The following YARS1 variants were observed in gnomAD, a reference collection of about 807,000 sequenced individuals.
The protein encoded by YARS1 is tyrosine--tRNA ligase, cytoplasmic.
A neutral mutation model predicts 62.2 loss-of-function variants in YARS1; 36 were observed. That is an observed-to-expected ratio of 0.58 (90% CI 0.44 to 0.76). The LOEUF (loss-of-function observed/expected upper bound fraction) is 0.76, where lower values mean the gene tolerates loss of function less well. Ranked by LOEUF, YARS1 falls within the 30% of genes least tolerant of loss-of-function variation. YARS1 has a pLI of 0.00. For synonymous variants in YARS1, 234 were observed against 244.9 expected (o/e 0.96, Z 0.42); for missense variants, 524 against 639.8 (o/e 0.82, Z 1.95).
chr1:32,782,140 A>G, intron 9 of YARS1: 1 of 526,986 alleles, frequency 1.9e-6, no homozygotes, highest in Middle Eastern at 5.4e-4. Flanking sequence ...CAGATTTAAC[A>G]AACAGACTAG....
chr1:32,788,868 T>G (rs1569727205), intron 6 of YARS1, among the ~76,000 whole-genome samples: 1 of 152,132 alleles, frequency 6.6e-6, no homozygotes, highest in Non-Finnish European at 1.5e-5. Context: ...TCTGTTGCCC[T>G]GGCTGGAGTG....
chr1:32,779,286 C>G (rs1225726947), intron 12 of YARS1, 96 bp downstream of exon 12: 13 of 1,603,246 alleles, frequency 8.1e-6, no homozygotes, highest in Non-Finnish European at 1.0e-5. Context: ...CAGGAAGTCC[C>G]AACAGAGAGG....
chr1:32,806,238 G>A (rs568550560), intron 4 of YARS1, among the ~76,000 whole-genome samples: 2 of 152,252 alleles, frequency 1.3e-5, no homozygotes, highest in African/African-American at 4.8e-5. Flanking sequence ...ATGCAGATAT[G>A]ATAATAATGA....
rs1488398104 is a variant in YARS1, at chr1:32,776,343, C to A, written c.1477-252G>T. On this transcript the variant is annotated intron_variant, in intron 12 of 12. Transcript: ENST00000373477. The surrounding 1 kb of genome is among the most constrained non-coding windows in gnomAD (Gnocchi z 4.0). ...TGTACTTTTAGTAGACACGGGGTTT[C>A]TCCATGTTGGTCAGGCTGGTCTTGA... 6.6e-6 allele frequency among the ~76,000 whole-genome samples: 1 copy of A among 152,074 alleles called. No homozygotes were observed. The highest frequency in any genetic ancestry group is 2.4e-5 in the African/African-American group (1 of 41,418).
intron 1 of YARS1, among the ~76,000 whole-genome samples, chr1:32,812,767 C>G (rs188991027): frequency 3.9e-5 from 6 of 152,098 alleles, no homozygotes; most frequent in African/African-American, 1.2e-4. Context: ...GATCAGGGGT[C>G]GAGACCAGCC....
At chr1:32,812,749 G>A (rs761596287) in intron 1 of YARS1, among the ~76,000 whole-genome samples, 2 of 152,124 alleles carry the variant, frequency 1.3e-5, no homozygotes, top group African/African-American at 2.4e-5. Context: ...AAGGCGGGCA[G>A]ATCATCAGAT....
chr1:32,794,453 G>A (rs561901260), intron 5 of YARS1, among the ~76,000 whole-genome samples: 70 of 152,228 alleles, frequency 4.6e-4, no homozygotes, highest in East Asian at 7.8e-4. Flanking sequence ...GCAATGGTGC[G>A]ATCTCAGTTT....
In YARS1 at chr1:32,788,941, C is replaced by T. The variant is rs1179525325; in HGVS notation, c.685-1866G>A. The stretch of plus-strand genomic sequence containing the variant: ...CCAGGCTCAAGTAGTCCTCCTACCT[C>T]AGCCTCCCATGTAGCTGGAACTATT... On this transcript the variant is annotated intron_variant, in intron 6 of 12. Coordinates refer to ENST00000373477, the MANE Select transcript of YARS1 (RefSeq NM_003680.4). Among the ~76,000 whole-genome samples, 3 of 152,228 alleles carry T rather than the reference C, an allele frequency of 2.0e-5. No individual in the cohort carries two copies. The East Asian group carries it at 5.8e-4, about 29-fold the overall frequency.
Position 32,776,151 on chromosome 1 carries a change from C to A in YARS1, c.1477-60G>T. On this transcript the variant is annotated intron_variant, in intron 12 of 12. Transcript: ENST00000373477. The surrounding 1 kb of genome is among the most constrained non-coding windows in gnomAD (Gnocchi z 4.0). ...GTGGTGGGACTGCAAGAAAACCCCC[C>A]CTTTTTTGGAGGGGGGGCAGAGTTT... 1 of 1,436,946 alleles carries A rather than the reference C, an allele frequency of 7.0e-7. No homozygotes were observed. The highest frequency in any genetic ancestry group is 1.2e-5 in the South Asian group (1 of 83,708). 89.0% of individuals were successfully genotyped at this position (1,436,946 alleles called of 1,614,324 possible). A position where few individuals can be genotyped will look rare whatever the true frequency, so the allele number is the denominator to read the frequency against.
At chr1:32,780,831 G>A (rs1003393398) in intron 10 of YARS1, 23 of 606,922 alleles carry the variant, frequency 3.8e-5, no homozygotes, top group Admixed American at 2.2e-4. Context: ...ACTAACATCC[G>A]TCCCCCATGC....
chr1:32,780,289 G>A lies in YARS1; in HGVS notation c.1141-11C>T. 1 of 1,613,898 alleles carries A rather than the reference G, an allele frequency of 6.2e-7. No individual in the cohort carries two copies. The highest frequency in any genetic ancestry group is 8.5e-7 in the Non-Finnish European group (1 of 1,180,018). On this transcript the variant is annotated splice_polypyrimidine_tract_variant and intron_variant, in intron 10 of 12. Coordinates refer to ENST00000373477, the MANE Select transcript of YARS1 (RefSeq NM_003680.4). The stretch of plus-strand genomic sequence containing the variant: ...GTCTGCATCTGGGTGCTGCCAGGGA[G>A]AGACGTCAGGAGGAAGAGGATCATC...
rs571319196 is a variant in YARS1 at position 32,796,225 on chromosome 1, AAC to A, written c.591+1536_591+1537del. Among the ~76,000 whole-genome samples, 724 of 151,790 alleles carry A rather than the reference AAC, an allele frequency of 4.8e-3. 2 individuals are homozygous for A. The highest frequency in any genetic ancestry group is 7.9e-3 in the Non-Finnish European group (533 of 67,880). ...CAAAGAGAGTCACTTGAACCTGGGA[AAC>A]AGAGGTTGCAGTGAGCCGAGATCGC... is the stretch of plus-strand genomic sequence containing the variant. On this transcript the variant is annotated intron_variant, in intron 5 of 12. Coordinates refer to ENST00000373477, the MANE Select transcript of YARS1 (RefSeq NM_003680.4).
At chr1:32,786,913 C>CA in intron 7 of YARS1, 27 bp downstream of exon 7, 1 of 1,613,804 alleles carries the variant, frequency 6.2e-7, no homozygotes, top group Non-Finnish European at 8.5e-7. Flanking sequence ...CTAGCCTGGC[C>CA]TCTAGGAAGA....
At chr1:32,816,429 C>G (rs1180804504) in intron 1 of YARS1, among the ~76,000 whole-genome samples, 2 of 152,158 alleles carry the variant, frequency 1.3e-5, no homozygotes, top group Non-Finnish European at 2.9e-5. Context: ...TGGGGCAGTT[C>G]TGGTGCCAGA....
At position 32,791,165 on chromosome 1, in the gene YARS1, T is replaced by C. The variant is rs370095798; in HGVS notation, c.681A>G (p.Glu227=). The change falls in exon 6 of 13, where the codon GAA becomes GAG. Residue 227 remains glutamate, a synonymous_variant. Transcript: ENST00000373477. ...GLTGSKMSSS[E]EESKIDLLDR... ...CAAGTCTCAGCTGGCAACTTACCTC[T>C]TCTGAAGAGCTCATTTTGCTGCCTG... is the stretch of plus-strand genomic sequence containing the variant. The C allele has an allele frequency of 6.2e-6, 10 of 1,613,876 alleles. No individual in the cohort carries two copies. In the African/African-American group the frequency reaches 1.3e-4, roughly 22 times the overall value.
intron 4 of YARS1, among the ~76,000 whole-genome samples, chr1:32,801,340 T>C (rs1638288492): frequency 6.6e-6 from 1 of 152,164 alleles, no homozygotes; most frequent in Non-Finnish European, 1.5e-5. Context: ...TCTCGGTGCA[T>C]ATAAAAGTTG....
Position 32,788,721 on chromosome 1 carries a change from G to A in YARS1, c.685-1646C>T, listed in dbSNP as rs142972117. Among the ~76,000 whole-genome samples, 649 of 151,760 alleles carry A rather than the reference G, an allele frequency of 4.3e-3. 8 individuals are homozygous for A. The highest frequency in any genetic ancestry group is 0.015 in the African/African-American group (624 of 41,382). On this transcript the variant is annotated intron_variant, in intron 6 of 12. Coordinates refer to ENST00000373477, the MANE Select transcript of YARS1 (RefSeq NM_003680.4). ...GCTGGGATTACAGGCGTGAGCCACC[G>A]CACCTGGCATGCCTGGCTAATTATT...
At chr1:32,801,366 G>A (rs1557460017) in intron 4 of YARS1, among the ~76,000 whole-genome samples, 1 of 152,124 alleles carries the variant, frequency 6.6e-6, no homozygotes, top group Admixed American at 6.6e-5. Context: ...ACACTATACC[G>A]TAGTCTATTT....
intron 12 of YARS1, among the ~76,000 whole-genome samples, chr1:32,778,416 A>AT (rs35431920): frequency 0.56 from 82,311 of 146,878 alleles, 22,843 homozygotes; most frequent in East Asian, 0.74. Context: ...TCTTTCTTTC[A>AT]TTTTTTTTTT....
Sources: gnomAD v4.1 joint callset for allele counts (sites outside exome capture counted in the v4.1 genomes callset) on GRCh38, gnomAD v4.1.1 for gene constraint, Gnocchi (gnomAD v3.1) non-coding constraint, MANE v1.5 for transcripts, NCBI Gene and HGNC (gene_info 2026-07-23, HGNC 2026-07-21) for gene names.